SPATA17: variants seen among roughly 807,000 people sequenced by gnomAD.
The protein encoded by SPATA17 is spermatogenesis-associated protein 17.
SPATA17 carries 53 observed loss-of-function variants against 62.2 expected under a neutral mutation model. The ratio of observed to expected loss-of-function variants is 0.85; its 90% CI spans 0.68 to 1.07. The LOEUF (loss-of-function observed/expected upper bound fraction) is 1.07. Ranked by LOEUF, SPATA17 falls within the 50% of genes least tolerant of loss-of-function variation. SPATA17 has a pLI of 0.00. For missense variants in SPATA17, 466 were observed against 425.5 expected (o/e 1.10, Z -0.84); for synonymous variants, 146 against 146.8 (o/e 0.99, Z 0.04).
chr1:217,858,186 G>A (rs557752903), intron 9 of SPATA17, among the ~76,000 whole-genome samples: 2 of 152,132 alleles, frequency 1.3e-5, no homozygotes, highest in South Asian at 4.1e-4. Flanking sequence ...CAAATGAATA[G>A]GCATGTATTG....
chr1:217,719,588 G>A (rs1393456249), intron 5 of SPATA17, among the ~76,000 whole-genome samples: 1 of 152,140 alleles, frequency 6.6e-6, no homozygotes, highest in African/African-American at 2.4e-5. Flanking sequence ...GTATCAGTCA[G>A]GGACTAGTCA....
At chr1:217,698,619 T>C (rs1671519116) in intron 5 of SPATA17, among the ~76,000 whole-genome samples, 1 of 151,330 alleles carries the variant, frequency 6.6e-6, no homozygotes, top group Non-Finnish European at 1.5e-5. Flanking sequence ...GTTAACTCAA[T>C]ACCAACATCT....
chr1:217,646,843 G>A lies in SPATA17; in HGVS notation c.69-2039G>A, dbSNP rs560639865. Among the ~76,000 whole-genome samples, 13 of 151,730 alleles carry A rather than the reference G, an allele frequency of 8.6e-5. No homozygotes were observed. The East Asian group carries it at 1.4e-3, about 16-fold the overall frequency. ...CGGGAGGCGGAGATTGCAGTGAGCC[G>A]AGATCACACCACTGCACTCCAGCCT... On this transcript the variant is annotated intron_variant, in intron 1 of 10. Transcript: ENST00000366933.
At chr1:217,854,212 C>A (rs531017209) in intron 9 of SPATA17, among the ~76,000 whole-genome samples, 1 of 152,248 alleles carries the variant, frequency 6.6e-6, no homozygotes, top group African/African-American at 2.4e-5. Context: ...TTGTTACAGG[C>A]ACATACTCTT....
At chr1:217,768,612 C>T (rs1163794658) in intron 6 of SPATA17, among the ~76,000 whole-genome samples, 1 of 151,726 alleles carries the variant, frequency 6.6e-6, no homozygotes, top group East Asian at 1.9e-4. Flanking sequence ...CTGCCTCAGC[C>T]TCCTGAGTAG....
intron 5 of SPATA17, among the ~76,000 whole-genome samples, chr1:217,722,835 CT>C (rs898229124): frequency 2.9e-4 from 44 of 150,114 alleles, no homozygotes; most frequent in African/African-American, 4.9e-4. Context: ...GGTATCGTGA[CT>C]TTTTTTTTTC....
intron 9 of SPATA17, among the ~76,000 whole-genome samples, chr1:217,862,406 T>G (rs1675915363): frequency 6.6e-6 from 1 of 152,172 alleles, no homozygotes; most frequent in African/African-American, 2.4e-5. Context: ...CCATTTCCAT[T>G]CATTCAGTTA....
At chr1:217,825,700 T>G (rs1253284825) in intron 9 of SPATA17, among the ~76,000 whole-genome samples, 1 of 152,064 alleles carries the variant, frequency 6.6e-6, no homozygotes, top group Non-Finnish European at 1.5e-5. Context: ...TTCATATCCA[T>G]TTTCCAAAGT....
chr1:217,855,569 T>C (rs560281114), intron 9 of SPATA17, among the ~76,000 whole-genome samples: 1 of 152,288 alleles, frequency 6.6e-6, no homozygotes, highest in Non-Finnish European at 1.5e-5. Flanking sequence ...ACTTTTATCA[T>C]GGCCTAATAC....
chr1:217,844,971 A>G (rs1309157055), intron 9 of SPATA17, among the ~76,000 whole-genome samples: 1 of 152,082 alleles, frequency 6.6e-6, no homozygotes, highest in African/African-American at 2.4e-5. Flanking sequence ...AAATAGCCAA[A>G]TACTACATGC....
chr1:217,832,759 A>G (rs1369868919), intron 9 of SPATA17, among the ~76,000 whole-genome samples: 1 of 152,058 alleles, frequency 6.6e-6, no homozygotes, highest in Non-Finnish European at 1.5e-5. Flanking sequence ...CCTGGGCAAC[A>G]TTGCAAAACT....
At chr1:217,672,888 A>G (rs1425798535) in intron 4 of SPATA17, among the ~76,000 whole-genome samples, 2 of 152,026 alleles carry the variant, frequency 1.3e-5, no homozygotes, top group Non-Finnish European at 2.9e-5. Flanking sequence ...GCTCCCCTGT[A>G]CACTATAAGT....
At chr1:217,838,306 C>T (rs1054546160) in intron 9 of SPATA17, among the ~76,000 whole-genome samples, 2 of 151,924 alleles carry the variant, frequency 1.3e-5, no homozygotes, top group Admixed American at 6.6e-5. Context: ...GAAATTTAGT[C>T]AAGCATTTTT....
chr1:217,813,710 C>T (rs931779284), intron 9 of SPATA17, among the ~76,000 whole-genome samples: 11 of 151,962 alleles, frequency 7.2e-5, no homozygotes, highest in African/African-American at 2.7e-4. Context: ...CAGTTTTCTT[C>T]CTCTGATTAC....
At chr1:217,824,180 G>A (rs925422470) in intron 9 of SPATA17, among the ~76,000 whole-genome samples, 7 of 151,764 alleles carry the variant, frequency 4.6e-5, no homozygotes, top group Admixed American at 6.6e-5. Flanking sequence ...AAGTTTTCTT[G>A]ATATCATTTG....
At chr1:217,838,123 A>G (rs543308566) in intron 9 of SPATA17, among the ~76,000 whole-genome samples, 18 of 152,212 alleles carry the variant, frequency 1.2e-4, no homozygotes, top group African/African-American at 4.3e-4. Flanking sequence ...GCATACAATT[A>G]ATGTTCTCTG....
chr1:217,756,948 G>C (rs977403072), intron 6 of SPATA17, among the ~76,000 whole-genome samples: 1 of 152,214 alleles, frequency 6.6e-6, no homozygotes, highest in South Asian at 2.1e-4. Flanking sequence ...AAATGCCTTC[G>C]ACATCTCATT....
chr1:217,804,721 G>A (rs1051350062), intron 9 of SPATA17, among the ~76,000 whole-genome samples: 2 of 151,968 alleles, frequency 1.3e-5, no homozygotes, highest in African/African-American at 2.4e-5. Context: ...TTTAAAAATG[G>A]GCAAAAGACT....
intron 5 of SPATA17, among the ~76,000 whole-genome samples, chr1:217,713,275 A>G (rs976554308): frequency 6.6e-5 from 10 of 151,442 alleles, no homozygotes; most frequent in Non-Finnish European, 1.2e-4. Context: ...CCTAGTGATT[A>G]TTTTCATCTT....
Sources: gnomAD v4.1 joint callset for allele counts (sites outside exome capture counted in the v4.1 genomes callset) on GRCh38, gnomAD v4.1.1 for gene constraint, MANE v1.5 for transcripts, NCBI Gene and HGNC (gene_info 2026-07-23, HGNC 2026-07-21) for gene names.